The following PDE6C variants were observed in gnomAD, a reference collection of about 807,000 sequenced individuals.
The protein encoded by PDE6C is cone cGMP-specific 3',5'-cyclic phosphodiesterase subunit alpha'.
Under a neutral mutation model 113.1 loss-of-function variants are expected in PDE6C, and 75 were observed. The observed-to-expected ratio is 0.66, with a 90% CI of 0.55 to 0.80. PDE6C has a LOEUF of 0.80. Ranked by LOEUF, PDE6C falls within the 30% of genes least tolerant of loss-of-function variation. The pLI, the probability that PDE6C is intolerant of heterozygous loss-of-function variation, is 0.00. For missense variants in PDE6C, 912 were observed against 1,038.6 expected (o/e 0.88, Z 1.67); for synonymous variants, 375 against 363.7 (o/e 1.03, Z -0.35).
intron 15 of PDE6C, among the ~76,000 whole-genome samples, chr10:93,652,022 T>A (rs1252248080): frequency 1.3e-5 from 2 of 151,900 alleles, no homozygotes; most frequent in African/African-American, 4.8e-5. Context: ...TGTGTGCATG[T>A]GTGTGTGTGT....
intron 10 of PDE6C, among the ~76,000 whole-genome samples, chr10:93,636,739 T>G (rs2058534018): frequency 6.6e-6 from 1 of 152,106 alleles, no homozygotes; most frequent in Non-Finnish European, 1.5e-5. Flanking sequence ...AATGCATCTT[T>G]GCCATGGAAC....
At chr10:93,647,126 G>C (rs1197240001) in intron 15 of PDE6C, among the ~76,000 whole-genome samples, 1 of 152,176 alleles carries the variant, frequency 6.6e-6, no homozygotes, top group Admixed American at 6.5e-5. Context: ...ATATGGGCCT[G>C]TGGAAAGTTG....
chr10:93,634,986 AATG>A, intron 9 of PDE6C, 79 bp downstream of exon 9: 2 of 1,490,012 alleles, frequency 1.3e-6, no homozygotes, highest in Non-Finnish European at 1.9e-6. Flanking sequence ...GTTATTCTGG[AATG>A]ATATTTTGAA....
rs1564793881 is a variant in PDE6C, at chr10:93,612,651, C to T, written c.-75C>T. On this transcript the variant is annotated 5_prime_UTR_variant, in exon 1 of 22. Coordinates refer to ENST00000371447, the MANE Select transcript of PDE6C (RefSeq NM_006204.4). ...AGTAATTTCCACCAGGATGAATTTC[C>T]TTCTCATCACTCTGCCTCAGGTAGT... The T allele has an allele frequency of 1.2e-6, 2 of 1,602,076 alleles. No individual in the cohort carries two copies. Among genetic ancestry groups the T allele is most frequent in the Non-Finnish European group, 1.7e-6 (2 of 1,172,920 alleles).
rs1589707966 is a variant in PDE6C, at chr10:93,664,684, C to A, written c.2519-676C>A. On this transcript the variant is annotated intron_variant, in intron 21 of 21. Transcript: ENST00000371447. The stretch of plus-strand genomic sequence containing the variant: ...GATATGGATCTGTATTTTATTTGCA[C>A]AAAAATTTACTTCTGAGTTTTTTTG... 2.0e-5 allele frequency among the ~76,000 whole-genome samples: 3 copies of A among 152,194 alleles called. No homozygotes were observed. The South Asian group carries it at 6.2e-4, about 32-fold the overall frequency.
Position 93,637,060 on chromosome 10 carries a change from T to A in PDE6C, c.1479T>A (p.Ile493=). The A allele has an allele frequency of 6.4e-7, 1 of 1,574,318 alleles. No individual in the cohort carries two copies. Among genetic ancestry groups the A allele is most frequent in the East Asian group, 2.2e-5 (1 of 44,634 alleles). The part of the protein sequence containing the change: ...DDCEEKQLVA[I]LKEDLPDPRS... ...GTGAAGAAAAACAACTTGTTGCAAT[T>A]TTGGTAAGTGTTTTCTTTCTAACCT... Residue 493 remains isoleucine (I), a synonymous_variant, in exon 11 of 22, where the codon ATT becomes ATA. Transcript: ENST00000371447.
intron 6 of PDE6C, 27 bp downstream of exon 6, chr10:93,626,731 G>A (rs373042649): frequency 4.3e-5 from 68 of 1,597,112 alleles, no homozygotes; most frequent in South Asian, 2.6e-4. Flanking sequence ...AGTTGCTGCC[G>A]CAGTTGCCGT....
intron 14 of PDE6C, among the ~76,000 whole-genome samples, chr10:93,641,834 C>T (rs371427147): frequency 1.3e-5 from 2 of 152,106 alleles, no homozygotes; most frequent in East Asian, 1.9e-4. Context: ...AACATCGATG[C>T]CATCTTTCTC....
At position 93,634,880 on chromosome 10, in the gene PDE6C, C is replaced by T. The variant is rs758720479; in HGVS notation, c.1242C>T (p.Phe414=). ...TFYNRKDGKP[F]DEHDEYITET... ...ACAACAGGAAGGATGGAAAACCTTT[C>T]GATGAGCATGATGAATACATTACCG... Residue 414 remains phenylalanine (F), a synonymous_variant, in exon 9 of 22, where the codon TTC becomes TTT. Coordinates refer to ENST00000371447, the MANE Select transcript of PDE6C (RefSeq NM_006204.4). The T allele has an allele frequency of 8.1e-6, 13 of 1,613,812 alleles. No homozygotes were observed. In the East Asian group the frequency reaches 2.0e-4, roughly 25 times the overall value.
chr10:93,638,986 G>A (rs1405103298), intron 11 of PDE6C, among the ~76,000 whole-genome samples: 1 of 152,182 alleles, frequency 6.6e-6, no homozygotes, highest in East Asian at 1.9e-4. Flanking sequence ...AACTTACTAA[G>A]GGGAGTGACC....
At position 93,612,873 on chromosome 10, in the gene PDE6C, T is replaced by C; in HGVS notation, c.148T>C (p.Phe50Leu). ...GGTGCCAGTCCAGTCCAGCATGTCC[T>C]TCTCTGAGCTGACCCAGGTGGAGGA... is the stretch of plus-strand genomic sequence containing the variant. ...SQVPVQSSMS[F>L]SELTQVEESA... The change falls in exon 1 of 22, where the codon TTC (phenylalanine) becomes CTC (leucine). Residue 50 changes from phenylalanine to leucine, a missense_variant. By Grantham distance (22) the Phe-to-Leu change is conservative. Coordinates refer to ENST00000371447, the MANE Select transcript of PDE6C (RefSeq NM_006204.4). 1 of 1,614,142 alleles carries C rather than the reference T, an allele frequency of 6.2e-7. No homozygotes were observed. The highest frequency in any genetic ancestry group is 8.5e-7 in the Non-Finnish European group (1 of 1,180,024).
chr10:93,662,750 G>A, intron 20 of PDE6C, 107 bp downstream of exon 20: 1 of 712,768 alleles, frequency 1.4e-6, no homozygotes, highest in Non-Finnish European at 2.6e-6. Flanking sequence ...AGCCATTGGG[G>A]TATCACTGTT....
chr10:93,650,163 T>C (rs1564803625), intron 15 of PDE6C, among the ~76,000 whole-genome samples: 1 of 152,196 alleles, frequency 6.6e-6, no homozygotes, highest in Non-Finnish European at 1.5e-5. Context: ...AATAGAATAA[T>C]CATGCAATCA....
chr10:93,647,667 G>A (rs530844511), intron 15 of PDE6C, among the ~76,000 whole-genome samples: 88 of 152,242 alleles, frequency 5.8e-4, no homozygotes, highest in Middle Eastern at 3.4e-3. Context: ...CAGGGCGGGG[G>A]CAGACAGGCT....
chr10:93,654,809 T>TCTTC (rs2058628386), intron 15 of PDE6C, among the ~76,000 whole-genome samples: 1 of 87,854 alleles, frequency 1.1e-5, no homozygotes, highest in South Asian at 3.8e-4. Context: ...TTTCTTTCTT[T>TCTTC]CTTTTTTTTT....
chr10:93,641,138 C>T (rs969353007), intron 14 of PDE6C, 109 bp downstream of exon 14: 3 of 707,770 alleles, frequency 4.2e-6, no homozygotes, highest in East Asian at 2.6e-5. Flanking sequence ...GCCTCTTTGC[C>T]ATGTTGGAAA....
intron 15 of PDE6C, among the ~76,000 whole-genome samples, chr10:93,653,768 T>G (rs947214472): frequency 6.6e-6 from 1 of 152,262 alleles, no homozygotes; most frequent in African/African-American, 2.4e-5. Flanking sequence ...CTAGCTATTT[T>G]AAAAGTTTAA....
intron 15 of PDE6C, among the ~76,000 whole-genome samples, chr10:93,650,241 A>G (rs6583901): frequency 0.78 from 117,894 of 152,108 alleles, 46,146 homozygotes; most frequent in African/African-American, 0.89. Context: ...TGTTGTGTAT[A>G]TCCATGATTC....
rs969530584 is a variant in PDE6C at position 93,660,278 on chromosome 10, G to A, written c.2208+1111G>A. Among the ~76,000 whole-genome samples the A allele has an allele frequency of 2.6e-5, 4 of 152,270 alleles. No homozygotes were observed. In the East Asian group the frequency reaches 7.7e-4, roughly 29 times the overall value. On this transcript the variant is annotated intron_variant, in intron 18 of 21. Transcript: ENST00000371447. ...ACATGTAATACAGGAGCCTTCGTGAGGAAACAAAGACCCTAAGAAACAGTT... is the reference window on the plus strand; with the variant it reads ...ACATGTAATACAGGAGCCTTCGTGAAGAAACAAAGACCCTAAGAAACAGTT...
Sources: gnomAD v4.1 joint callset for allele counts (sites outside exome capture counted in the v4.1 genomes callset) on GRCh38, gnomAD v4.1.1 for gene constraint, MANE v1.5 for transcripts, NCBI Gene and HGNC (gene_info 2026-07-23, HGNC 2026-07-21) for gene names.